The following SLC16A3 variants were observed in gnomAD, a reference collection of about 807,000 sequenced individuals.
SLC16A3 encodes the protein monocarboxylate transporter 4.
A neutral mutation model predicts 25.0 loss-of-function variants in SLC16A3; 22 were observed. The observed-to-expected ratio is 0.88, with a 90% CI of 0.63 to 1.26. SLC16A3 has a LOEUF of 1.26. SLC16A3 is among the 50% of genes most tolerant of loss of function. The pLI is 0.00. For missense variants in SLC16A3, 731 were observed against 666.6 expected, an observed-to-expected ratio of 1.10 and a Z score of -1.06; for synonymous variants, 390 against 309.2, an observed-to-expected ratio of 1.26 and a Z score of -2.74.
intron 1 of SLC16A3, among the ~76,000 whole-genome samples, chr17:82,219,476 C>T (rs2050375491): frequency 6.6e-6 from 1 of 152,096 alleles, no homozygotes; most frequent in Admixed American, 6.5e-5. Flanking sequence ...CCCCAGGAGC[C>T]AGTGGCCGCC....
intron 2 of SLC16A3, 180 bp downstream of exon 2, chr17:82,236,411 C>T: frequency 1.5e-6 from 1 of 667,714 alleles, no homozygotes; most frequent in Non-Finnish European, 2.5e-6. Flanking sequence ...CCAACCCAGG[C>T]AGGGCGCGAA....
chr17:82,220,083 A>C (rs1773829389), intron 1 of SLC16A3, among the ~76,000 whole-genome samples: 1 of 152,168 alleles, frequency 6.6e-6, no homozygotes, highest in Non-Finnish European at 1.5e-5. Context: ...CTGAGCCAAG[A>C]GGAGAGGGCA....
chr17:82,229,268 G>T (rs563041057), intron 1 of SLC16A3, 162 bp downstream of exon 1: 1 of 152,240 alleles, frequency 6.6e-6, no homozygotes, highest in South Asian at 2.1e-4. Flanking sequence ...TCGACCCCGA[G>T]CGGGCCCCAC....
intron 2 of SLC16A3, 196 bp from the exon 3 acceptor site, chr17:82,236,533 C>G (rs2050606233): frequency 1.4e-6 from 1 of 722,212 alleles, no homozygotes; most frequent in Non-Finnish European, 2.2e-6. Flanking sequence ...TGCAGGGACC[C>G]AAGGGGCCCA....
Position 82,239,868 on chromosome 17 carries a change from C to G in SLC16A3, c.*892C>G. ...TGGTCTTTGCACCCTGTCCTCCATC[C>G]AGCCCGGCCCAGCGCTTGGGCTTGT... On this transcript the variant is annotated 3_prime_UTR_variant, in exon 5 of 5. Transcript: ENST00000582743. 1.7e-6 allele frequency: 1 copy of G among 596,754 alleles called. No homozygotes were observed. Among genetic ancestry groups the G allele is most frequent in the Non-Finnish European group, 2.5e-6 (1 of 407,972 alleles). 37.0% of individuals were successfully genotyped at this position (596,754 alleles called of 1,614,324 possible). A position where few individuals can be genotyped will look rare whatever the true frequency, so the allele number is the denominator to read the frequency against.
chr17:82,226,036 A>G (rs1847744906), upstream of SLC16A3, among the ~76,000 whole-genome samples: 3 of 151,348 alleles, frequency 2.0e-5, no homozygotes, highest in Non-Finnish European at 4.4e-5. Flanking sequence ...GCTCTTGGAA[A>G]AGGTGGGACT....
rs1410607559 is a variant in SLC16A3 at position 82,229,073 on chromosome 17, C to G, written c.-60C>G. On this transcript the variant is annotated 5_prime_UTR_variant, in exon 1 of 5. Transcript: ENST00000582743. The stretch of plus-strand genomic sequence containing the variant: ...GGCGGGCAGAGGCGGCGAGAGGCGG[C>G]GAGAGGCGGGCTGAGGCGGCCCAGC... 1 of 100,086 alleles carries G rather than the reference C, an allele frequency of 1.0e-5. No homozygotes were observed. Among genetic ancestry groups the G allele is most frequent in the East Asian group, 3.8e-4 (1 of 2,598 alleles). The allele number at this position is 100,086 out of a possible 1,614,324, so 6.2% of individuals were successfully genotyped here.
intron 1 of SLC16A3, among the ~76,000 whole-genome samples, chr17:82,221,172 A>G (rs2040791040): frequency 6.6e-6 from 1 of 152,194 alleles, no homozygotes; most frequent in South Asian, 2.1e-4. Flanking sequence ...CAAAGATACA[A>G]TTTTGTGCAT....
intron 1 of SLC16A3, among the ~76,000 whole-genome samples, chr17:82,222,761 C>A (rs2050396971): frequency 6.7e-6 from 1 of 148,284 alleles, no homozygotes; most frequent in South Asian, 2.1e-4. Context: ...CGAGATCAAG[C>A]TACCGCACTC....
intron 1 of SLC16A3, chr17:82,229,875 C>G (rs569924717): frequency 1.3e-4 from 20 of 152,498 alleles, no homozygotes; most frequent in African/African-American, 4.8e-4. Flanking sequence ...TAGCTCTGGC[C>G]GGGGCCTCCA....
Position 82,233,394 on chromosome 17 carries a change from G to A in SLC16A3, c.-26-2589G>A, listed in dbSNP as rs1333722418. Among the ~76,000 whole-genome samples, 4 of 152,176 alleles carry A rather than the reference G, an allele frequency of 2.6e-5. 1 individual carries two copies. In the South Asian group the frequency reaches 8.3e-4, roughly 31 times the overall value. On this transcript the variant is annotated intron_variant, in intron 1 of 4. Transcript: ENST00000582743. ...CACCTCAGGTCTCAGAACATGCTGT[G>A]CTCTCCTGGTCAGTGAGTCCTGGCA... is the stretch of plus-strand genomic sequence containing the variant.
intron 1 of SLC16A3, 115 bp from the exon 2 acceptor site, chr17:82,235,868 C>T (rs575040607): frequency 9.5e-5 from 64 of 676,634 alleles, no homozygotes; most frequent in African/African-American, 8.2e-4. Context: ...GTGTGGGTGC[C>T]GGGCAGCTGC....
rs1048745638 is a variant in SLC16A3, at chr17:82,239,742, C to T, written c.*766C>T. ...ATGGGAGCTGAGGTGGAACAAGCCA[C>T]TTTATTCACTGCTGTGTTTAAGAAA... is the stretch of plus-strand genomic sequence containing the variant. On this transcript the variant is annotated 3_prime_UTR_variant, in exon 5 of 5. Coordinates refer to ENST00000582743, the MANE Select transcript of SLC16A3 (RefSeq NM_004207.4). The T allele has an allele frequency of 1.3e-5, 5 of 388,376 alleles. No individual in the cohort carries two copies. The highest frequency in any genetic ancestry group is 2.3e-5 in the Non-Finnish European group (5 of 220,064). The allele number at this position is 388,376 out of a possible 1,614,324, so 24.1% of individuals were successfully genotyped here.
At chr17:82,235,789 G>A in intron 1 of SLC16A3, 194 bp from the exon 2 acceptor site, 1 of 595,860 alleles carries the variant, frequency 1.7e-6, no homozygotes, top group Non-Finnish European at 3.0e-6. Flanking sequence ...AGAGGGAGTG[G>A]GACCCACAGC....
At chr17:82,221,193 T>G (rs1488689958) in intron 1 of SLC16A3, among the ~76,000 whole-genome samples, 1 of 151,392 alleles carries the variant, frequency 6.6e-6, no homozygotes, top group Non-Finnish European at 1.5e-5. Context: ...CAAAGGAGAG[T>G]GAAGGCAGCC....
chr17:82,226,744 T>G (rs929561476), upstream of SLC16A3, among the ~76,000 whole-genome samples: 2 of 152,008 alleles, frequency 1.3e-5, no homozygotes, highest in Non-Finnish European at 2.9e-5. Context: ...CAGGGGTACC[T>G]CATGCTACCG....
chr17:82,219,820 A>C (rs1318374812), intron 1 of SLC16A3, among the ~76,000 whole-genome samples: 2 of 150,890 alleles, frequency 1.3e-5, no homozygotes, highest in Non-Finnish European at 3.0e-5. Flanking sequence ...TCCAGTCTTG[A>C]CTCCTCTCCT....
At chr17:82,226,936 C>T (rs1304521032), upstream of SLC16A3, among the ~76,000 whole-genome samples, 1 of 152,082 alleles carries the variant, frequency 6.6e-6, no homozygotes, top group Non-Finnish European at 1.5e-5. Flanking sequence ...GCAGCCATCA[C>T]ATCACTGTGA....
rs1326991158 is a variant in SLC16A3, at chr17:82,219,904, A to AC, written c.-27+1726dup. On this transcript the variant is annotated intron_variant, in intron 1 of 4. Coordinates refer to the SLC16A3 transcript ENST00000580098. ...TCCAAGGAGGGCAGAGGAAACCCTG[A>AC]CCCCCCAGCCCCCAGCTCAAGAGGA... Among the ~76,000 whole-genome samples the AC allele has an allele frequency of 1.5e-4, 23 of 150,574 alleles. No individual in the cohort carries two copies. The East Asian group carries it at 3.9e-3, about 26-fold the overall frequency.
Sources: gnomAD v4.1 joint callset for allele counts (sites outside exome capture counted in the v4.1 genomes callset) on GRCh38, gnomAD v4.1.1 for gene constraint, MANE v1.5 for transcripts, NCBI Gene and HGNC (gene_info 2026-07-23, HGNC 2026-07-21) for gene names.